Variants in C2orf49 observed in about 807,000 individuals in gnomAD.
C2orf49 encodes tRNA-splicing ligase complex subunit ASW.
Under a neutral mutation model 20.6 loss-of-function variants are expected in C2orf49, and 11 were observed. The observed-to-expected ratio is 0.53, with a 90% CI of 0.34 to 0.88. C2orf49 has a LOEUF of 0.88. Ranked by LOEUF, C2orf49 falls within the 40% of genes least tolerant of loss-of-function variation. The pLI is 0.02. For missense variants in C2orf49, 289 were observed against 274.2 expected, an observed-to-expected ratio of 1.05 and a Z score of -0.38; for synonymous variants, 134 against 108.5, an observed-to-expected ratio of 1.24 and a Z score of -1.46.
At chr2:105,359,129 G>T in the C2orf49 span, 1 of 152,114 alleles carries the variant, frequency 6.6e-6, no homozygotes, top group Non-Finnish European at 1.5e-5. Flanking sequence ...TAAATATTTT[G>T]TCCAGAATGA....
At chr2:105,343,371 C>G (rs906997697) in intron 3 of C2orf49, 148 bp downstream of exon 3, 14 of 642,040 alleles carry the variant, frequency 2.2e-5, no homozygotes, top group East Asian at 1.7e-4. Context: ...CAACTTATTA[C>G]TCCAGTACTT....
intron 1 of C2orf49, among the ~76,000 whole-genome samples, chr2:105,338,181 C>G (rs1049875415): frequency 6.6e-6 from 1 of 152,150 alleles, no homozygotes; most frequent in East Asian, 1.9e-4. Context: ...ATTCAGGGCT[C>G]CTGGCTCTCC....
At chr2:105,364,864 G>A in the C2orf49 span, among the ~76,000 whole-genome samples, 4 of 152,264 alleles carry the variant, frequency 2.6e-5, no homozygotes, top group South Asian at 2.1e-4. Context: ...GGTTAATGAC[G>A]AAGCAGGAAC....
the C2orf49 span, among the ~76,000 whole-genome samples, chr2:105,366,540 G>C: frequency 3.3e-5 from 5 of 152,170 alleles, no homozygotes; most frequent in African/African-American, 1.2e-4. Context: ...GGACAGAGAC[G>C]CTGGAAGCTA....
chr2:105,372,959 C>T, the C2orf49 span, among the ~76,000 whole-genome samples: 3 of 152,182 alleles, frequency 2.0e-5, no homozygotes, highest in African/African-American at 2.4e-5. Flanking sequence ...AAATAACTCC[C>T]CCCACATACA....
Position 105,342,954 on chromosome 2 carries a change from C to T in C2orf49, c.373C>T (p.Arg125Ter). ...AAAGACAGAGAATGGAGATAATGATCGACTGAAGCCTCCCCCGCAGGCAAG... is the reference window on the plus strand; with the variant it reads ...AAAGACAGAGAATGGAGATAATGATTGACTGAAGCCTCCCCCGCAGGCAAG... ...VKKTENGDNDRLKPPPQASFT... is the reference protein window; with the variant it reads ...VKKTENGDND The change falls in exon 3 of 4, where the codon CGA becomes TGA. Residue 125 changes from arginine to a stop codon, truncating the protein, a stop_gained. Transcript: ENST00000258457. LOFTEE classifies it high-confidence loss of function. 1.2e-6 allele frequency: 2 copies of T among 1,614,160 alleles called. No individual in the cohort carries two copies. Among genetic ancestry groups the T allele is most frequent in the Non-Finnish European group, 1.7e-6 (2 of 1,180,024 alleles).
the C2orf49 span, chr2:105,363,318 T>G: frequency 5.6e-6 from 9 of 1,614,166 alleles, no homozygotes; most frequent in East Asian, 1.8e-4. Context: ...GCACACTTCT[T>G]GGCATACAAG....
chr2:105,378,242 A>G, the C2orf49 span: 3 of 466,424 alleles, frequency 6.4e-6, no homozygotes, highest in Non-Finnish European at 1.3e-5. Flanking sequence ...AGACTGATTC[A>G]TTGACACGTG....
At chr2:105,343,294 G>C (rs1433093430) in intron 3 of C2orf49, 71 bp downstream of exon 3, 1 of 1,460,222 alleles carries the variant, frequency 6.8e-7, no homozygotes. Flanking sequence ...CTCATGACGG[G>C]AGGTGGGTCG....
At chr2:105,361,388 A>G in the C2orf49 span, 6 of 1,614,144 alleles carry the variant, frequency 3.7e-6, no homozygotes, top group Non-Finnish European at 5.1e-6. Flanking sequence ...AGCAGTCGTT[A>G]TGCCACTGCC....
At chr2:105,364,242 T>TGA in the C2orf49 span, among the ~76,000 whole-genome samples, 1 of 149,934 alleles carries the variant, frequency 6.7e-6, no homozygotes, top group East Asian at 1.9e-4. Flanking sequence ...GACAACAGAG[T>TGA]GAGACTGTCT....
chr2:105,372,372 C>A, the C2orf49 span, among the ~76,000 whole-genome samples: 71 of 151,600 alleles, frequency 4.7e-4, no homozygotes, highest in African/African-American at 1.7e-3. Flanking sequence ...ACTACAGACG[C>A]CCGCCACTAT....
intron 2 of C2orf49, among the ~76,000 whole-genome samples, chr2:105,341,606 A>G (rs1445088995): frequency 1.3e-5 from 2 of 152,248 alleles, no homozygotes; most frequent in South Asian, 2.1e-4. Flanking sequence ...GGCAGTGGGT[A>G]TACAGTGAGC....
chr2:105,371,265 A>C, the C2orf49 span, among the ~76,000 whole-genome samples: 1 of 152,140 alleles, frequency 6.6e-6, no homozygotes, highest in African/African-American at 2.4e-5. Context: ...CTAAGTCAGC[A>C]AGCTTCGAGT....
chr2:105,368,874 G>T, the C2orf49 span, among the ~76,000 whole-genome samples: 1 of 152,238 alleles, frequency 6.6e-6, no homozygotes, highest in Non-Finnish European at 1.5e-5. Flanking sequence ...CGGACTAGCT[G>T]AGGGGCCTGG....
the C2orf49 span, chr2:105,363,545 G>A: frequency 1.5e-6 from 2 of 1,367,140 alleles, no homozygotes; most frequent in South Asian, 2.8e-5. Flanking sequence ...TACTGCCACT[G>A]GACGATGCAA....
rs1224366155 is a variant in C2orf49, at chr2:105,346,369, GCC to G, written c.*1000_*1001del. 1.3e-5 allele frequency: 2 copies of G among 152,130 alleles called. No individual in the cohort carries two copies. The highest frequency in any genetic ancestry group is 2.9e-5 in the Non-Finnish European group (2 of 68,034). The allele number at this position is 152,130 out of a possible 1,614,324, so 9.4% of individuals were successfully genotyped here. A position where few individuals can be genotyped will look rare whatever the true frequency, so the allele number is the denominator to read the frequency against. On this transcript the variant is annotated 3_prime_UTR_variant, in exon 4 of 4. Coordinates refer to ENST00000258457, the MANE Select transcript of C2orf49 (RefSeq NM_024093.3). ...AGTTGACTGGTCGATTCTGTACCTG[GCC>G]CATCCTTTAGAATGTTCTTGTCATG... is the stretch of plus-strand genomic sequence containing the variant.
the C2orf49 span, chr2:105,378,816 A>G: frequency 2.0e-5 from 3 of 152,314 alleles, no homozygotes; most frequent in African/African-American, 7.2e-5. Context: ...TGTGGTGTAC[A>G]ATAACTAAAA....
the C2orf49 span, among the ~76,000 whole-genome samples, chr2:105,365,974 G>A: frequency 6.6e-6 from 1 of 152,162 alleles, no homozygotes; most frequent in African/African-American, 2.4e-5. Flanking sequence ...GGAGGTGGAG[G>A]CAGGTCGATC....
Sources: allele counts gnomAD v4.1 joint callset (sites outside exome capture counted in the v4.1 genomes callset), GRCh38; gene constraint gnomAD v4.1.1; transcripts MANE v1.5; gene names NCBI Gene and HGNC (gene_info 2026-07-23, HGNC 2026-07-21).